SLCO2B1: variants seen among roughly 807,000 people sequenced by gnomAD.
The protein encoded by SLCO2B1 is OATP-RP2.
A neutral mutation model predicts 67.3 loss-of-function variants in SLCO2B1; 41 were observed. The observed-to-expected ratio is 0.61, with a 90% CI of 0.47 to 0.79. SLCO2B1 has a LOEUF of 0.79. Ranked by LOEUF, SLCO2B1 falls within the 30% of genes least tolerant of loss-of-function variation. The probability of loss-of-function intolerance (pLI) is 0.00; values close to 1 mark genes in which losing one functional copy is unlikely to be tolerated. For missense variants in SLCO2B1, 837 were observed against 920.1 expected, an observed-to-expected ratio of 0.91 and a Z score of 1.17; for synonymous variants, 379 against 381.4, an observed-to-expected ratio of 0.99 and a Z score of 0.07.
chr11:75,162,902 T>C (rs77143149), intron 2 of SLCO2B1, 117 bp downstream of exon 2: 1 of 1,243,512 alleles, frequency 8.0e-7, no homozygotes, highest in Non-Finnish European at 1.1e-6. Flanking sequence ...ATCTATAGAA[T>C]GTGTGGCTGT....
At chr11:75,191,776 A>C (rs1449616780) in intron 8 of SLCO2B1, among the ~76,000 whole-genome samples, 1 of 152,232 alleles carries the variant, frequency 6.6e-6, no homozygotes, top group Non-Finnish European at 1.5e-5. Context: ...TGCCTACTGC[A>C]GGCAGAAACA....
At chr11:75,153,924 CTT>C (rs538639501) in intron 1 of SLCO2B1, among the ~76,000 whole-genome samples, 32 of 123,918 alleles carry the variant, frequency 2.6e-4, no homozygotes, top group African/African-American at 5.2e-4. Context: ...GTGTACAGTA[CTT>C]TTTTTTTTTT....
At chr11:75,162,288 G>T (rs1000283708) in intron 1 of SLCO2B1, among the ~76,000 whole-genome samples, 2 of 152,186 alleles carry the variant, frequency 1.3e-5, no homozygotes, top group African/African-American at 4.8e-5. Flanking sequence ...CCCAAGGCAG[G>T]CTGAGAGTCT....
chr11:75,176,690 G>A (rs947134344), intron 7 of SLCO2B1, among the ~76,000 whole-genome samples: 3 of 152,190 alleles, frequency 2.0e-5, no homozygotes, highest in Admixed American at 6.5e-5. Flanking sequence ...AGGAGTGTGA[G>A]GTGGCAATGG....
chr11:75,156,563 C>T (rs557952555), intron 1 of SLCO2B1, among the ~76,000 whole-genome samples: 1 of 152,166 alleles, frequency 6.6e-6, no homozygotes, highest in South Asian at 2.1e-4. Flanking sequence ...AATGGATTGC[C>T]CAGCATCTGC....
chr11:75,202,432 G>A (rs1434170073), intron 11 of SLCO2B1: 1 of 181,978 alleles, frequency 5.5e-6, no homozygotes, highest in Non-Finnish European at 1.2e-5. Flanking sequence ...CTCGCTCATA[G>A]GAGTGATGTG....
At chr11:75,199,890 C>A (rs1184929907) in intron 10 of SLCO2B1, 1 of 301,226 alleles carries the variant, frequency 3.3e-6, no homozygotes, top group Admixed American at 4.9e-5. Context: ...GGGACATGGC[C>A]AGCCTGGGGA....
chr11:75,178,412 A>T (rs1339560561), intron 7 of SLCO2B1, among the ~76,000 whole-genome samples: 1 of 152,252 alleles, frequency 6.6e-6, no homozygotes, highest in Non-Finnish European at 1.5e-5. Context: ...GCCAGCTCTT[A>T]AGGGGAAAAC....
At position 75,204,391 on chromosome 11, in the gene SLCO2B1, T is replaced by G. The variant is rs773891927; in HGVS notation, c.1950-9T>G. 1.3e-6 allele frequency: 2 copies of G among 1,593,986 alleles called. No homozygotes were observed. The highest frequency in any genetic ancestry group is 1.7e-4 in the Middle Eastern group (1 of 5,950). The stretch of plus-strand genomic sequence containing the variant: ...CTCTTGAGTTCAAGGGTCCCCATTC[T>G]TTCCCCAGGTTCATCGGCCTCCAGT... On this transcript the variant is annotated splice_polypyrimidine_tract_variant and intron_variant, in intron 13 of 13. Coordinates refer to ENST00000289575, the MANE Select transcript of SLCO2B1 (RefSeq NM_007256.5).
intron 8 of SLCO2B1, among the ~76,000 whole-genome samples, chr11:75,192,811 C>G (rs1284193996): frequency 6.6e-6 from 1 of 152,074 alleles, no homozygotes; most frequent in African/African-American, 2.4e-5. Flanking sequence ...TTTGGGAGGC[C>G]AAGGAGGGTG....
intron 6 of SLCO2B1, among the ~76,000 whole-genome samples, chr11:75,171,329 T>A (rs1949958351): frequency 6.6e-6 from 1 of 152,186 alleles, no homozygotes; most frequent in Non-Finnish European, 1.5e-5. Context: ...CAATCCTAGC[T>A]TACTGCAGCC....
chr11:75,152,892 C>T (rs1949707859), intron 1 of SLCO2B1, among the ~76,000 whole-genome samples: 1 of 152,072 alleles, frequency 6.6e-6, no homozygotes, highest in Admixed American at 6.5e-5. Flanking sequence ...TGGGGTAGGA[C>T]ACAGAGCCTG....
At chr11:75,203,752 G>A (rs1591841227) in intron 13 of SLCO2B1, 1 of 285,142 alleles carries the variant, frequency 3.5e-6, no homozygotes, top group Non-Finnish European at 6.7e-6. Context: ...TTGGGGTGAA[G>A]GGCTGGGGAG....
intron 7 of SLCO2B1, among the ~76,000 whole-genome samples, chr11:75,175,272 G>A (rs545340792): frequency 1.3e-5 from 2 of 152,236 alleles, no homozygotes; most frequent in South Asian, 2.1e-4. Flanking sequence ...TGCCTTGGCC[G>A]GGTCTGCTTG....
chr11:75,187,310 CT>C (rs1944952228), intron 7 of SLCO2B1, among the ~76,000 whole-genome samples: 1 of 152,174 alleles, frequency 6.6e-6, no homozygotes, highest in Non-Finnish European at 1.5e-5. Flanking sequence ...CTCTTCCCCT[CT>C]TTTTCAAGAG....
Position 75,204,976 on chromosome 11 carries a change from T to C in SLCO2B1, c.*396T>C, listed in dbSNP as rs3781727. The C allele has an allele frequency of 0.052, 8,184 of 157,866 alleles. 512 individuals are homozygous for C. The highest frequency in any genetic ancestry group is 0.25 in the East Asian group (1,337 of 5,456). 9.8% of individuals were successfully genotyped at this position (157,866 alleles called of 1,614,324 possible). Reference sequence around the variant, plus strand: ...CAGGTCTGCACTCGCCTGGATCACCTTCTTTGAGCCTTAGCCATCTCCTGT... The same window carrying C: ...CAGGTCTGCACTCGCCTGGATCACCCTCTTTGAGCCTTAGCCATCTCCTGT... On this transcript the variant is annotated 3_prime_UTR_variant, in exon 14 of 14. Transcript: ENST00000289575.
At chr11:75,162,947 C>A in intron 2 of SLCO2B1, 162 bp downstream of exon 2, 1 of 859,738 alleles carries the variant, frequency 1.2e-6, no homozygotes, top group African/African-American at 1.7e-5. Context: ...AAGCACTCAG[C>A]TGGGTTTCGG....
In SLCO2B1 at chr11:75,171,959, T is replaced by A. The variant is rs553978613; in HGVS notation, c.782-420T>A. Among the ~76,000 whole-genome samples the A allele has an allele frequency of 2.6e-4, 40 of 152,250 alleles. 1 individual carries two copies. The highest frequency in any genetic ancestry group is 9.4e-4 in the African/African-American group (39 of 41,542). On this transcript the variant is annotated intron_variant, in intron 6 of 13. Coordinates refer to ENST00000289575, the MANE Select transcript of SLCO2B1 (RefSeq NM_007256.5). ...GGAGGAGGAGGAGCAGGTACCTATA[T>A]GGCACACACTCTTCTAAGTGCTTCA...
intron 9 of SLCO2B1, among the ~76,000 whole-genome samples, chr11:75,194,870 G>A (rs79457255): frequency 0.069 from 10,537 of 151,976 alleles, 504 homozygotes; most frequent in Middle Eastern, 0.13. Context: ...CTCTGTTCTC[G>A]TCTAAATTCT....
Sources: gnomAD v4.1 joint callset for allele counts (sites outside exome capture counted in the v4.1 genomes callset) on GRCh38, gnomAD v4.1.1 for gene constraint, MANE v1.5 for transcripts, NCBI Gene and HGNC (gene_info 2026-07-23, HGNC 2026-07-21) for gene names.